KYAT3: variants seen among roughly 807,000 people sequenced by gnomAD.
KYAT3 encodes the protein kynurenine aminotransferase 3.
In KYAT3, 50 loss-of-function variants were observed where a neutral mutation model predicts 59.0. The observed-to-expected ratio is 0.85, with a 90% CI of 0.68 to 1.07. The LOEUF is 1.07. KYAT3 is among the 50% of genes least tolerant of loss of function. KYAT3 has a pLI of 0.00. For synonymous variants in KYAT3, 148 were observed against 177.0 expected (o/e 0.84, Z 1.30); for missense variants, 497 against 533.3 (o/e 0.93, Z 0.67).
chr1:88,976,829 A>G (rs1405290221), intron 2 of KYAT3, among the ~76,000 whole-genome samples: 1 of 152,232 alleles, frequency 6.6e-6, no homozygotes, highest in Non-Finnish European at 1.5e-5. Flanking sequence ...ACAAAAAAGT[A>G]AAAAAAGAAA....
chr1:88,967,881 C>T (rs1267881395), intron 4 of KYAT3, among the ~76,000 whole-genome samples: 2 of 151,928 alleles, frequency 1.3e-5, no homozygotes, highest in Admixed American at 1.3e-4. Flanking sequence ...TGTTTCTAGC[C>T]TTTCATTATG....
At chr1:88,932,430 A>G (rs966074726), downstream of KYAT3, among the ~76,000 whole-genome samples, 1 of 152,186 alleles carries the variant, frequency 6.6e-6, no homozygotes, top group African/African-American at 2.4e-5. Context: ...CTATTGATAG[A>G]TAGATATAAA....
chr1:88,946,690 A>T (rs1675457760), intron 11 of KYAT3, among the ~76,000 whole-genome samples: 1 of 152,222 alleles, frequency 6.6e-6, no homozygotes, highest in African/African-American at 2.4e-5. Context: ...TCATAAAATG[A>T]ACTGCACATT....
intron 11 of KYAT3, among the ~76,000 whole-genome samples, chr1:88,945,846 T>C (rs1675419934): frequency 6.6e-6 from 1 of 152,198 alleles, no homozygotes; most frequent in Non-Finnish European, 1.5e-5. Context: ...TCTTTATATG[T>C]AGGAAGGTTT....
chr1:88,947,626 C>A (rs1263801217), intron 11 of KYAT3, among the ~76,000 whole-genome samples: 4 of 152,326 alleles, frequency 2.6e-5, no homozygotes, highest in South Asian at 4.1e-4. Context: ...CTGCAAACAT[C>A]CAGGACCTCC....
chr1:88,923,748 T>A, the KYAT3 span: 1 of 289,860 alleles, frequency 3.4e-6, no homozygotes, highest in South Asian at 3.2e-5. Flanking sequence ...TCTGCATCTG[T>A]CTGCCAGTGC....
chr1:88,992,326 C>T (rs1476435348), intron 1 of KYAT3, among the ~76,000 whole-genome samples: 1 of 152,254 alleles, frequency 6.6e-6, no homozygotes, highest in Non-Finnish European at 1.5e-5. Context: ...TTCTAAAAGC[C>T]CAAACAGCGA....
At chr1:88,965,331 A>T (rs1676306051) in intron 4 of KYAT3, among the ~76,000 whole-genome samples, 3 of 152,234 alleles carry the variant, frequency 2.0e-5, no homozygotes, top group Non-Finnish European at 4.4e-5. Context: ...CAGTTAAAAT[A>T]AGTGAAAAAA....
At position 88,945,832 on chromosome 1, in the gene KYAT3, A is replaced by G. The variant is rs554235287; in HGVS notation, c.1142-2409T>C. On this transcript the variant is annotated intron_variant, in intron 11 of 13. Coordinates refer to ENST00000260508, the MANE Select transcript of KYAT3 (RefSeq NM_001008661.3). Reference sequence around the variant, plus strand: ...AGATGAAAAGGTAAAACAAAACATAAATTTCTTTATATGTAGGAAGGTTTT... The same window carrying G: ...AGATGAAAAGGTAAAACAAAACATAGATTTCTTTATATGTAGGAAGGTTTT... Among the ~76,000 whole-genome samples, 3 of 152,334 alleles carry G rather than the reference A, an allele frequency of 2.0e-5. No homozygotes were observed. In the South Asian group the frequency reaches 6.2e-4, roughly 32 times the overall value.
chr1:88,926,378 T>C, the KYAT3 span, among the ~76,000 whole-genome samples: 1 of 152,112 alleles, frequency 6.6e-6, no homozygotes, highest in African/African-American at 2.4e-5. Flanking sequence ...GTGGTACAAT[T>C]ATGGCGCTCA....
chr1:88,964,587 A>G (rs1282066081), intron 5 of KYAT3: 1 of 417,782 alleles, frequency 2.4e-6, no homozygotes, highest in Non-Finnish European at 4.5e-6. Flanking sequence ...GAAGAGGAAC[A>G]AAGAAGTTTT....
At chr1:88,944,664 C>G (rs552344823) in intron 11 of KYAT3, among the ~76,000 whole-genome samples, 4 of 152,062 alleles carry the variant, frequency 2.6e-5, no homozygotes, top group Non-Finnish European at 4.4e-5. Flanking sequence ...AAAACTTAGT[C>G]TAATTGTAAA....
chr1:88,943,155 C>A, intron 12 of KYAT3, 64 bp from the exon 13 acceptor site: 1 of 1,282,922 alleles, frequency 7.8e-7, no homozygotes, highest in South Asian at 1.3e-5. Context: ...AATTTTGGTA[C>A]TACAGATACT....
intron 13 of KYAT3, among the ~76,000 whole-genome samples, chr1:88,937,610 A>G (rs962595377): frequency 6.6e-6 from 1 of 152,236 alleles, no homozygotes; most frequent in African/African-American, 2.4e-5. Context: ...ACTACAAAAT[A>G]TTTACTATTT....
intron 9 of KYAT3, among the ~76,000 whole-genome samples, chr1:88,954,924 G>T (rs1675842249): frequency 6.6e-6 from 1 of 152,128 alleles, no homozygotes; most frequent in Non-Finnish European, 1.5e-5. Flanking sequence ...ACCCTGCCTG[G>T]CTAATTTTTA....
intron 2 of KYAT3, among the ~76,000 whole-genome samples, chr1:88,977,192 T>TA (rs907050199): frequency 6.6e-6 from 1 of 151,444 alleles, no homozygotes; most frequent in Admixed American, 6.6e-5. Flanking sequence ...ATTTTGTATT[T>TA]AAAAAAAAAT....
At chr1:88,964,370 T>G (rs1676260268) in intron 5 of KYAT3, among the ~76,000 whole-genome samples, 1 of 152,256 alleles carries the variant, frequency 6.6e-6, no homozygotes, top group Non-Finnish European at 1.5e-5. Context: ...CCCTTCCATC[T>G]GCCCTTATTT....
chr1:88,954,825 G>A (rs190670570), intron 9 of KYAT3, among the ~76,000 whole-genome samples: 2 of 152,210 alleles, frequency 1.3e-5, no homozygotes, highest in East Asian at 1.9e-4. Flanking sequence ...CAAGTGGCTG[G>A]AGCGCAGCTC....
Position 88,960,068 on chromosome 1 carries a change from G to A in KYAT3, c.787+1099C>T, listed in dbSNP as rs565320656. On this transcript the variant is annotated intron_variant, in intron 8 of 13. Transcript: ENST00000260508. ...CCCACCTCAGCCTCCAAGTAGCTGC[G>A]ACTACAGGCACAGACCACCATACCT... Among the ~76,000 whole-genome samples the A allele has an allele frequency of 9.6e-5, 14 of 146,374 alleles. 2 individuals are homozygous for A. Among genetic ancestry groups the A allele is most frequent in the African/African-American group, 3.0e-4 (12 of 40,088 alleles).
Sources: gnomAD v4.1 joint callset for allele counts (sites outside exome capture counted in the v4.1 genomes callset) on GRCh38, gnomAD v4.1.1 for gene constraint, MANE v1.5 for transcripts, NCBI Gene and HGNC (gene_info 2026-07-23, HGNC 2026-07-21) for gene names.